RIMS4: variants seen among roughly 807,000 people sequenced by gnomAD.
The protein encoded by RIMS4 is regulating synaptic membrane exocytosis 4.
Under a neutral mutation model 29.0 loss-of-function variants are expected in RIMS4, and 9 were observed. The observed-to-expected ratio is 0.31, with a 90% CI of 0.19 to 0.54. The LOEUF (loss-of-function observed/expected upper bound fraction) is 0.54. Ranked by LOEUF, RIMS4 falls within the 20% of genes least tolerant of loss-of-function variation. The pLI is 0.94. For synonymous variants in RIMS4, 130 were observed against 152.9 expected (o/e 0.85, Z 1.10); for missense variants, 193 against 365.7 (o/e 0.53, Z 3.85).
chr20:44,802,597 C>G (rs1181160362), intron 1 of RIMS4, among the ~76,000 whole-genome samples: 2 of 152,156 alleles, frequency 1.3e-5, no homozygotes, highest in Non-Finnish European at 2.9e-5. Flanking sequence ...CTCCACAGTG[C>G]CTTCCAGCTA....
At chr20:44,799,815 T>C (rs2066270155) in intron 1 of RIMS4, among the ~76,000 whole-genome samples, 1 of 152,188 alleles carries the variant, frequency 6.6e-6, no homozygotes, top group Non-Finnish European at 1.5e-5. Context: ...TTCAGGCCAA[T>C]TGAGATTGCT....
intron 1 of RIMS4, among the ~76,000 whole-genome samples, chr20:44,808,082 GTATA>G (rs372542987): frequency 7.2e-6 from 1 of 138,226 alleles, no homozygotes; most frequent in Non-Finnish European, 1.6e-5. Flanking sequence ...ATGTGTGTGT[GTATA>G]TATATATATA....
chr20:44,757,788 G>A lies in RIMS4; in HGVS notation c.350-17C>T, dbSNP rs1420568616. 1 of 1,600,064 alleles carries A rather than the reference G, an allele frequency of 6.2e-7. No homozygotes were observed. The highest frequency in any genetic ancestry group is 8.6e-7 in the Non-Finnish European group (1 of 1,167,658). On this transcript the variant is annotated splice_polypyrimidine_tract_variant and intron_variant, in intron 3 of 5. Transcript: ENST00000372851. ...CCACATCCCCTGGAAGAGGCACCAA[G>A]AGATGAGACTGGGAAATGGTTCAGA...
chr20:44,774,800 C>A (rs2066152512), intron 1 of RIMS4, among the ~76,000 whole-genome samples: 1 of 152,144 alleles, frequency 6.6e-6, no homozygotes, highest in Admixed American at 6.6e-5. Flanking sequence ...GATCCATCTC[C>A]ATCACTCACC....
At chr20:44,795,318 T>C (rs1395497122) in intron 1 of RIMS4, among the ~76,000 whole-genome samples, 3 of 152,200 alleles carry the variant, frequency 2.0e-5, no homozygotes, top group Non-Finnish European at 4.4e-5. Context: ...AATGTTTCTG[T>C]GCCTCAGTTT....
At chr20:44,757,164 C>G (rs192459836) in intron 4 of RIMS4, 127 bp from the exon 5 acceptor site, 1 of 1,031,398 alleles carries the variant, frequency 9.7e-7, no homozygotes, top group Non-Finnish European at 1.4e-6. Flanking sequence ...CTGGGGAGGA[C>G]GCACCAGGAC....
intron 2 of RIMS4, among the ~76,000 whole-genome samples, chr20:44,763,927 C>A (rs1351006209): frequency 6.6e-6 from 1 of 152,156 alleles, no homozygotes; most frequent in Admixed American, 6.5e-5. Flanking sequence ...CCCTGTCCAT[C>A]CATTCACTAC....
chr20:44,808,185 A>G (rs1257072992), intron 1 of RIMS4, among the ~76,000 whole-genome samples: 3 of 152,094 alleles, frequency 2.0e-5, no homozygotes, highest in Non-Finnish European at 4.4e-5. Context: ...GCGGGCAAAA[A>G]GGGGATAGAC....
At chr20:44,775,858 GA>G (rs2066158063) in intron 1 of RIMS4, among the ~76,000 whole-genome samples, 1 of 152,202 alleles carries the variant, frequency 6.6e-6, no homozygotes, top group South Asian at 2.1e-4. Context: ...AGCACATTGG[GA>G]AGGAAATTTA....
intron 1 of RIMS4, among the ~76,000 whole-genome samples, chr20:44,804,629 C>T (rs1222705758): frequency 3.3e-5 from 5 of 152,302 alleles, no homozygotes; most frequent in Non-Finnish European, 5.9e-5. Context: ...CTTCCATTCT[C>T]GCTCTCCTCC....
At chr20:44,774,048 C>T (rs1393833724) in intron 1 of RIMS4, among the ~76,000 whole-genome samples, 2 of 152,154 alleles carry the variant, frequency 1.3e-5, no homozygotes, top group Non-Finnish European at 2.9e-5. Flanking sequence ...ACCACCTTCC[C>T]CAAGCTAGGG....
chr20:44,773,955 G>A (rs1019312457), intron 1 of RIMS4, among the ~76,000 whole-genome samples: 1 of 152,178 alleles, frequency 6.6e-6, no homozygotes, highest in East Asian at 1.9e-4. Context: ...TGCAGAGGGA[G>A]AAAGACCTTC....
intron 2 of RIMS4, among the ~76,000 whole-genome samples, chr20:44,767,036 G>A (rs6073544): frequency 6.6e-6 from 1 of 152,202 alleles, no homozygotes; most frequent in Non-Finnish European, 1.5e-5. Context: ...TTCCCCATCA[G>A]GATTGGCTCT....
chr20:44,768,210 G>A (rs1235615542), intron 2 of RIMS4, among the ~76,000 whole-genome samples: 3 of 152,232 alleles, frequency 2.0e-5, no homozygotes, highest in Non-Finnish European at 4.4e-5. Context: ...GTGCCCAAGA[G>A]TGGAAGCTCA....
chr20:44,761,275 A>G (rs1283026535), intron 2 of RIMS4, among the ~76,000 whole-genome samples: 1 of 152,162 alleles, frequency 6.6e-6, no homozygotes, highest in East Asian at 1.9e-4. Flanking sequence ...TTTATAGATG[A>G]GCCGGAGAGT....
At chr20:44,757,610 CCA>C in intron 4 of RIMS4, 58 bp downstream of exon 4, 1 of 1,354,780 alleles carries the variant, frequency 7.4e-7, no homozygotes, top group Non-Finnish European at 1.1e-6. Flanking sequence ...CCCTCAGTAC[CCA>C]TCAGGATATC....
At chr20:44,805,741 G>C (rs1024660308) in intron 1 of RIMS4, among the ~76,000 whole-genome samples, 1 of 152,178 alleles carries the variant, frequency 6.6e-6, no homozygotes, top group Non-Finnish European at 1.5e-5. Context: ...TTAGCACTTG[G>C]TCTGGGAAAG....
At chr20:44,757,918 G>T in intron 3 of RIMS4, 147 bp from the exon 4 acceptor site, 1 of 947,338 alleles carries the variant, frequency 1.1e-6, no homozygotes, top group Non-Finnish European at 1.6e-6. Context: ...CAAGTGCCTA[G>T]GCTCTGCTGA....
intron 2 of RIMS4, among the ~76,000 whole-genome samples, chr20:44,761,329 C>T (rs1361571471): frequency 6.6e-6 from 1 of 152,210 alleles, no homozygotes; most frequent in Non-Finnish European, 1.5e-5. Context: ...TGGCCCCACC[C>T]TATCCCTCAG....
Sources: gnomAD v4.1 joint callset for allele counts (sites outside exome capture counted in the v4.1 genomes callset) on GRCh38, gnomAD v4.1.1 for gene constraint, MANE v1.5 for transcripts, NCBI Gene and HGNC (gene_info 2026-07-23, HGNC 2026-07-21) for gene names.